The following SGCD variants were observed in gnomAD, a reference collection of about 807,000 sequenced individuals.
The protein encoded by SGCD is delta-sarcoglycan.
SGCD carries 18 observed loss-of-function variants against 36.6 expected under a neutral mutation model. The ratio of observed to expected loss-of-function variants is 0.49; its 90% CI spans 0.34 to 0.73. The LOEUF (loss-of-function observed/expected upper bound fraction) is 0.73, where lower values mean the gene tolerates loss of function less well. SGCD is among the 30% of genes least tolerant of loss of function. The pLI is 0.01. For missense variants in SGCD, 387 were observed against 346.7 expected, an observed-to-expected ratio of 1.12 and a Z score of -0.92; for synonymous variants, 133 against 130.6, an observed-to-expected ratio of 1.02 and a Z score of -0.12.
chr5:155,935,512 G>A (rs1468258260), intron 1 of SGCD, among the ~76,000 whole-genome samples: 1 of 152,222 alleles, frequency 6.6e-6, no homozygotes, highest in Non-Finnish European at 1.5e-5. Flanking sequence ...AGAATAATGA[G>A]ATAGAAAGTG....
intron 3 of SGCD, among the ~76,000 whole-genome samples, chr5:156,189,442 GA>G: frequency 6.6e-6 from 1 of 152,266 alleles, no homozygotes; most frequent in East Asian, 1.9e-4. Flanking sequence ...ACTGGAAGGG[GA>G]CCTTAGTGAT....
intron 1 of SGCD, among the ~76,000 whole-genome samples, chr5:155,939,044 C>G (rs1202771944): frequency 6.6e-6 from 1 of 152,116 alleles, no homozygotes; most frequent in Admixed American, 6.5e-5. Context: ...AGTCAATTGG[C>G]AGTTACCAGG....
intron 1 of SGCD, among the ~76,000 whole-genome samples, chr5:156,107,703 C>T (rs1761680585): frequency 6.6e-6 from 1 of 152,112 alleles, no homozygotes; most frequent in Non-Finnish European, 1.5e-5. Context: ...CATTCCCGCT[C>T]TTACCTTCTA....
chr5:156,054,386 C>T (rs769665413), intron 1 of SGCD, among the ~76,000 whole-genome samples: 11 of 142,094 alleles, frequency 7.7e-5, no homozygotes, highest in Admixed American at 4.2e-4. Flanking sequence ...CCCGGGTTCA[C>T]GCCATTCTCC....
At chr5:156,719,472 G>A (rs1379099036) in intron 7 of SGCD, among the ~76,000 whole-genome samples, 1 of 152,008 alleles carries the variant, frequency 6.6e-6, no homozygotes, top group East Asian at 1.9e-4. Flanking sequence ...TCCTAGCCAA[G>A]TTTACACATA....
At chr5:155,910,447 G>C (rs1030450858) in intron 1 of SGCD, among the ~76,000 whole-genome samples, 5 of 152,050 alleles carry the variant, frequency 3.3e-5, no homozygotes, top group African/African-American at 1.2e-4. Flanking sequence ...AGCGGAATTA[G>C]GGCATAAAGC....
intron 3 of SGCD, among the ~76,000 whole-genome samples, chr5:156,195,006 G>T (rs1763989170): frequency 6.6e-6 from 1 of 152,080 alleles, no homozygotes; most frequent in Non-Finnish European, 1.5e-5. Flanking sequence ...ATCAAGTTAT[G>T]GGGAACACAG....
intron 1 of SGCD, among the ~76,000 whole-genome samples, chr5:155,997,576 C>CGA (rs1758578139): frequency 2.0e-5 from 3 of 152,196 alleles, no homozygotes; most frequent in Admixed American, 2.0e-4. Context: ...GGACATTGTT[C>CGA]CTCTCTTGTT....
intron 7 of SGCD, among the ~76,000 whole-genome samples, chr5:156,723,452 T>C (rs1755611930): frequency 6.6e-6 from 1 of 152,104 alleles, no homozygotes; most frequent in Non-Finnish European, 1.5e-5. Flanking sequence ...AACAAAACAA[T>C]AGGAAAAAAC....
At chr5:156,695,112 TTGTG>T (rs370137233) in intron 7 of SGCD, among the ~76,000 whole-genome samples, 23 of 128,912 alleles carry the variant, frequency 1.8e-4, no homozygotes, top group African/African-American at 2.8e-4. Flanking sequence ...GGTACTGTGT[TTGTG>T]TGTGTGTGTG....
At chr5:156,143,358 G>A (rs182199021) in intron 3 of SGCD, among the ~76,000 whole-genome samples, 48 of 152,304 alleles carry the variant, frequency 3.2e-4, no homozygotes, top group African/African-American at 1.1e-3. Context: ...CTCTACTAGG[G>A]CAGTGCAGAG....
intron 6 of SGCD, among the ~76,000 whole-genome samples, chr5:156,644,391 T>G (rs1182720390): frequency 6.6e-6 from 1 of 152,132 alleles, no homozygotes; most frequent in Non-Finnish European, 1.5e-5. Context: ...AGGTCAGTCT[T>G]TGGAGTTTTA....
At position 156,743,695 on chromosome 5, in the gene SGCD, T is replaced by C. The variant is rs545926851; in HGVS notation, c.576-13886T>C. On this transcript the variant is annotated intron_variant, in intron 7 of 8. Transcript: ENST00000337851. ...ACATATCACTGCTTTCTGAGAGAAA[T>C]AGTCTTCAAATGAGACTATCCAATA... Among the ~76,000 whole-genome samples, 6 of 152,338 alleles carry C rather than the reference T, an allele frequency of 3.9e-5. No individual in the cohort carries two copies. The South Asian group carries it at 8.3e-4, about 21-fold the overall frequency.
At chr5:156,024,909 G>T (rs1759192841) in intron 1 of SGCD, among the ~76,000 whole-genome samples, 1 of 149,688 alleles carries the variant, frequency 6.7e-6, no homozygotes. Context: ...AGTGAGCCGA[G>T]ATCGTGCCAC....
intron 3 of SGCD, among the ~76,000 whole-genome samples, chr5:156,311,180 C>T (rs1342338678): frequency 6.6e-6 from 1 of 152,162 alleles, no homozygotes; most frequent in Non-Finnish European, 1.5e-5. Context: ...TTTCCTTTCT[C>T]TCCAATTCTC....
At chr5:155,812,960 T>C in the SGCD span, among the ~76,000 whole-genome samples, 2 of 152,196 alleles carry the variant, frequency 1.3e-5, no homozygotes, top group African/African-American at 4.8e-5. Flanking sequence ...CCTGGAATGT[T>C]TGTTTTAGAC....
chr5:155,828,053 C>T, the SGCD span, among the ~76,000 whole-genome samples: 12 of 152,082 alleles, frequency 7.9e-5, no homozygotes, highest in South Asian at 4.2e-4. Flanking sequence ...GAGTAATACA[C>T]ACTTACTTAG....
At chr5:156,149,694 C>A (rs1162618178) in intron 3 of SGCD, among the ~76,000 whole-genome samples, 3 of 151,968 alleles carry the variant, frequency 2.0e-5, no homozygotes, top group South Asian at 2.1e-4. Context: ...GAGGTGGGGA[C>A]CTTGAGAGCT....
chr5:155,776,541 G>A, the SGCD span, among the ~76,000 whole-genome samples: 1 of 152,118 alleles, frequency 6.6e-6, no homozygotes. Context: ...AGAAACCACA[G>A]AGGTGAAGTC....
Sources: gnomAD v4.1 joint callset for allele counts (sites outside exome capture counted in the v4.1 genomes callset) on GRCh38, gnomAD v4.1.1 for gene constraint, MANE v1.5 for transcripts, NCBI Gene and HGNC (gene_info 2026-07-23, HGNC 2026-07-21) for gene names.